RGS6: variants seen among roughly 807,000 people sequenced by gnomAD.
RGS6 encodes the protein regulator of G-protein signaling 6.
A neutral mutation model predicts 78.5 loss-of-function variants in RGS6; 30 were observed. That is an observed-to-expected ratio of 0.38 (90% CI 0.29 to 0.52). The LOEUF (loss-of-function observed/expected upper bound fraction) is 0.52, where lower values mean the gene tolerates loss of function less well. Ranked by LOEUF, RGS6 falls within the 20% of genes least tolerant of loss-of-function variation. RGS6 has a pLI of 0.85. For missense variants in RGS6, 495 were observed against 609.7 expected (o/e 0.81, Z 1.98); for synonymous variants, 206 against 206.0 (o/e 1.00, Z 0.00).
At position 72,239,616 on chromosome 14, in the gene RGS6, C is replaced by T. The variant is rs111706018; in HGVS notation, c.85-112479C>T. 2.3e-3 allele frequency among the ~76,000 whole-genome samples: 352 copies of T among 152,262 alleles called. 1 individual carries two copies. The highest frequency in any genetic ancestry group is 2.4e-3 in the Non-Finnish European group (164 of 68,014). On this transcript the variant is annotated intron_variant, in intron 2 of 17. Coordinates refer to ENST00000553525, the MANE Select transcript of RGS6 (RefSeq NM_001204424.2). ...GAGCACCTCTCTTGACACCAGTAAT[C>T]TGATAGCAGGATCAGGAAGCTGCTT...
chr14:72,301,054 C>T (rs1437050916), intron 2 of RGS6, among the ~76,000 whole-genome samples: 2 of 152,176 alleles, frequency 1.3e-5, no homozygotes, highest in East Asian at 3.9e-4. Context: ...ACTGGTGGAA[C>T]ATAGCATTAT....
chr14:72,362,584 G>A (rs567707917), intron 3 of RGS6, among the ~76,000 whole-genome samples: 1 of 152,150 alleles, frequency 6.6e-6, no homozygotes, highest in Admixed American at 6.5e-5. Flanking sequence ...TCTTCTCCAT[G>A]TCACCTTGTA....
chr14:72,087,176 G>A (rs2153488277), intron 2 of RGS6, among the ~76,000 whole-genome samples: 1 of 152,198 alleles, frequency 6.6e-6, no homozygotes, highest in East Asian at 1.9e-4. Context: ...TGTTGCTCAA[G>A]CTGGAGTGCA....
chr14:72,045,084 C>A (rs1018671823), intron 2 of RGS6, among the ~76,000 whole-genome samples: 2 of 152,156 alleles, frequency 1.3e-5, no homozygotes, highest in African/African-American at 2.4e-5. Flanking sequence ...TTGCAGATGG[C>A]GTACTATGGG....
At chr14:72,036,106 A>C (rs2091654750) in intron 2 of RGS6, among the ~76,000 whole-genome samples, 1 of 152,074 alleles carries the variant, frequency 6.6e-6, no homozygotes, top group Non-Finnish European at 1.5e-5. Flanking sequence ...ACAAGGTCAC[A>C]TAAATGAAAT....
chr14:71,890,358 C>CAGACAGACAGAGAGAGAGAGAG, the RGS6 span, among the ~76,000 whole-genome samples: 6 of 133,008 alleles, frequency 4.5e-5, no homozygotes, highest in South Asian at 5.2e-4. Context: ...GTGCATAAGA[C>CAGACAGACAGAGAGAGAGAGAG]AGAGAGAGAG....
chr14:72,486,831 G>A (rs762428312), intron 12 of RGS6, among the ~76,000 whole-genome samples: 1 of 152,336 alleles, frequency 6.6e-6, no homozygotes, highest in East Asian at 1.9e-4. Context: ...CAAGGAAAGG[G>A]TAAGGAGTCC....
chr14:72,628,818 A>G, the RGS6 span, among the ~76,000 whole-genome samples: 1 of 152,248 alleles, frequency 6.6e-6, no homozygotes, highest in African/African-American at 2.4e-5. Context: ...AAATACAGTC[A>G]TGAGAACTTG....
At chr14:72,053,831 C>A (rs2093470585) in intron 2 of RGS6, among the ~76,000 whole-genome samples, 1 of 152,208 alleles carries the variant, frequency 6.6e-6, no homozygotes, top group African/African-American at 2.4e-5. Flanking sequence ...CAGATCTGTC[C>A]TGTATCTGGC....
At chr14:72,368,305 T>C (rs752094845) in intron 3 of RGS6, among the ~76,000 whole-genome samples, 1 of 152,174 alleles carries the variant, frequency 6.6e-6, no homozygotes, top group Non-Finnish European at 1.5e-5. Flanking sequence ...ATTCATTCTG[T>C]AGTTAATGCT....
At chr14:72,098,803 G>A (rs1466920999) in intron 2 of RGS6, among the ~76,000 whole-genome samples, 1 of 152,020 alleles carries the variant, frequency 6.6e-6, no homozygotes, top group African/African-American at 2.4e-5. Flanking sequence ...TCTTTCATTT[G>A]TGTCACCTGC....
intron 15 of RGS6, among the ~76,000 whole-genome samples, chr14:72,531,115 C>G (rs563029179): frequency 6.6e-6 from 1 of 152,174 alleles, no homozygotes; most frequent in African/African-American, 2.4e-5. Context: ...TACGTCTGGA[C>G]TATCCAAGTA....
At chr14:71,985,388 C>T (rs982791361) in intron 2 of RGS6, among the ~76,000 whole-genome samples, 6 of 152,128 alleles carry the variant, frequency 3.9e-5, no homozygotes, top group East Asian at 1.9e-4. Context: ...TCCCAGAGTG[C>T]GGGGATTACA....
chr14:72,510,420 G>A, intron 14 of RGS6, 141 bp downstream of exon 14: 1 of 1,048,026 alleles, frequency 9.5e-7, no homozygotes, highest in South Asian at 1.4e-5. Context: ...AGGTTGAAAT[G>A]GAGAAGAACA....
intron 4 of RGS6, among the ~76,000 whole-genome samples, chr14:72,455,927 AAAT>A (rs2095618250): frequency 6.6e-6 from 1 of 152,204 alleles, no homozygotes; most frequent in Non-Finnish European, 1.5e-5. Flanking sequence ...TTGCCTCCTA[AAAT>A]AATCGTTGTA....
At chr14:72,441,866 G>T (rs2095215621) in intron 3 of RGS6, among the ~76,000 whole-genome samples, 1 of 152,206 alleles carries the variant, frequency 6.6e-6, no homozygotes, top group Non-Finnish European at 1.5e-5. Flanking sequence ...GGAGGGATGG[G>T]GGCTGCCAAC....
At chr14:72,226,841 A>T (rs1005844542) in intron 2 of RGS6, among the ~76,000 whole-genome samples, 3 of 152,156 alleles carry the variant, frequency 2.0e-5, no homozygotes, top group Non-Finnish European at 2.9e-5. Flanking sequence ...GCATTCCACC[A>T]TGCCTGGCTA....
At chr14:72,245,614 ACCTTCCAGCTTGGGCGTTAT>A (rs1050324740) in intron 2 of RGS6, among the ~76,000 whole-genome samples, 4 of 152,026 alleles carry the variant, frequency 2.6e-5, no homozygotes, top group African/African-American at 4.8e-5. Context: ...TAAACCCACA[ACCTTCCAGCTTGGGCGTTAT>A]CCTTCCAGCT....
chr14:72,241,358 T>C (rs2052771856), intron 2 of RGS6, among the ~76,000 whole-genome samples: 1 of 152,226 alleles, frequency 6.6e-6, no homozygotes, highest in South Asian at 2.1e-4. Flanking sequence ...AATCCTTTTC[T>C]GTCTTCTGAT....
Sources: gnomAD v4.1 joint callset for allele counts (sites outside exome capture counted in the v4.1 genomes callset) on GRCh38, gnomAD v4.1.1 for gene constraint, MANE v1.5 for transcripts, NCBI Gene and HGNC (gene_info 2026-07-23, HGNC 2026-07-21) for gene names.